Variants in ODAD4 observed in about 807,000 individuals in gnomAD.
ODAD4 encodes the protein outer dynein arm-docking complex subunit 4.
In ODAD4, 49 loss-of-function variants were observed where a neutral mutation model predicts 51.8. That is an observed-to-expected ratio of 0.95 (90% CI 0.75 to 1.20). The LOEUF is 1.20. ODAD4 is among the 50% of genes most tolerant of loss of function. The pLI, the probability that ODAD4 is intolerant of heterozygous loss-of-function variation, is 0.00. For synonymous variants in ODAD4, 235 were observed against 221.3 expected, an observed-to-expected ratio of 1.06 and a Z score of -0.55; for missense variants, 590 against 586.5, an observed-to-expected ratio of 1.01 and a Z score of -0.06.
At chr17:41,951,464 G>A (rs202022334) in intron 9 of ODAD4, among the ~76,000 whole-genome samples, 1 of 151,170 alleles carries the variant, frequency 6.6e-6, no homozygotes, top group East Asian at 2.0e-4. Flanking sequence ...TTTTGAGAAG[G>A]CGTCTCACTC....
chr17:41,952,606 C>A, intron 9 of ODAD4: 1 of 473,188 alleles, frequency 2.1e-6, no homozygotes. Context: ...ATGATTTACT[C>A]TCTTGAATAA....
intron 5 of ODAD4, 114 bp from the exon 6 acceptor site, chr17:41,938,443 C>T (rs2050457073): frequency 1.2e-6 from 1 of 839,682 alleles, no homozygotes. Context: ...GTTTCAACAA[C>T]TCCAAGCAGA....
intron 7 of ODAD4, among the ~76,000 whole-genome samples, chr17:41,942,033 C>T (rs1164599558): frequency 2.0e-5 from 3 of 152,062 alleles, no homozygotes; most frequent in Non-Finnish European, 2.9e-5. Flanking sequence ...CTGCAACCTC[C>T]GCCTCCCTGG....
intron 4 of ODAD4, 24 bp downstream of exon 4, chr17:41,936,558 G>C (rs1370185601): frequency 6.2e-6 from 10 of 1,604,672 alleles, no homozygotes; most frequent in Non-Finnish European, 8.5e-6. Flanking sequence ...TTCTGTGGTT[G>C]TATCCCTCCA....
chr17:41,932,443 G>A (rs1416417883), intron 1 of ODAD4, among the ~76,000 whole-genome samples: 2 of 152,176 alleles, frequency 1.3e-5, no homozygotes, highest in African/African-American at 4.8e-5. Flanking sequence ...ACTAGCAAGT[G>A]GCAGAGGAAG....
In ODAD4 at chr17:41,935,780, C is replaced by T. The variant is rs781907769; in HGVS notation, c.397+31C>T. 3.1e-6 allele frequency: 5 copies of T among 1,611,838 alleles called. No homozygotes were observed. In the South Asian group the frequency reaches 5.5e-5, roughly 18 times the overall value. On this transcript the variant is annotated intron_variant, in intron 3 of 11. Transcript: ENST00000377540. ...TGACCACAGGGCCTATGCCCTTATC[C>T]AGGAAGGTCCTTGGAATCCTTAGGT...
chr17:41,948,626 A>T (rs1489067562), intron 8 of ODAD4, among the ~76,000 whole-genome samples: 1 of 151,570 alleles, frequency 6.6e-6, no homozygotes, highest in East Asian at 1.9e-4. Context: ...ATTCTTAAAC[A>T]TTATTTATGT....
rs3039814 is a variant in ODAD4, at chr17:41,956,506, T to TTA, written c.1443+1189_1443+1190insTA. Among the ~76,000 whole-genome samples, 9 of 149,452 alleles carry TTA rather than the reference T, an allele frequency of 6.0e-5. No homozygotes were observed. The South Asian group carries it at 1.3e-3, about 21-fold the overall frequency. On this transcript the variant is annotated intron_variant, in intron 10 of 11. Transcript: ENST00000377540. ...CGGCCTTTTTTTTTTTTTTTTTTTT[T>TTA]AAATAGAGATGGGGCCATGTATGGT...
In ODAD4 at chr17:41,966,288, G is replaced by C. The variant is rs940406410; in HGVS notation, c.*805G>C. Among the ~76,000 whole-genome samples the C allele has an allele frequency of 2.6e-5, 4 of 152,184 alleles. No individual in the cohort carries two copies. Among genetic ancestry groups the C allele is most frequent in the Admixed American group, 6.5e-5 (1 of 15,274 alleles). On this transcript the variant is annotated 3_prime_UTR_variant, in exon 12 of 12. Transcript: ENST00000377540. ...TCCTGGTCTGTCTCCACAGCTCCTA[G>C]AAGGAAAGGTCGGGGCTGAGACTGA...
rs782778721 is a variant in ODAD4, at chr17:41,938,637, A to G, written c.706A>G (p.Ser236Gly). The change falls in exon 6 of 12, where the codon AGC becomes GGC. Residue 236 changes from serine to glycine, a missense_variant. Around this residue, in one of 3 missense-constraint regions of ODAD4, gnomAD observed 360 missense variants for 407.5 expected, o/e 0.88. Transcript: ENST00000377540. ...MTGINYLDTH[S>G]NFWRQQKPIY... ...GGGCATCAACTACCTGGATACTCAC[A>G]GCAACTTCTGGAGGCAGCAGAAGCC... is the stretch of plus-strand genomic sequence containing the variant. 1 of 1,613,978 alleles carries G rather than the reference A, an allele frequency of 6.2e-7. No individual in the cohort carries two copies. The highest frequency in any genetic ancestry group is 1.1e-5 in the South Asian group (1 of 91,088).
chr17:41,962,261 C>A (rs576312000), intron 11 of ODAD4, among the ~76,000 whole-genome samples: 3 of 152,168 alleles, frequency 2.0e-5, no homozygotes, highest in Non-Finnish European at 2.9e-5. Flanking sequence ...TCCCCACCTG[C>A]GGCGCTGCTC....
At chr17:41,959,894 G>A (rs569161152) in intron 10 of ODAD4, among the ~76,000 whole-genome samples, 1 of 152,338 alleles carries the variant, frequency 6.6e-6, no homozygotes, top group African/African-American at 2.4e-5. Flanking sequence ...GACCCCAGCA[G>A]GCGCAGTCTA....
At chr17:41,938,868 C>A in intron 6 of ODAD4, 87 bp downstream of exon 6, 1 of 1,562,826 alleles carries the variant, frequency 6.4e-7, no homozygotes, top group South Asian at 1.2e-5. Context: ...AGCCCCTGGT[C>A]TCTCAGACCT....
intron 8 of ODAD4, among the ~76,000 whole-genome samples, chr17:41,946,959 T>G (rs1208655395): frequency 1.3e-5 from 2 of 151,736 alleles, no homozygotes; most frequent in Non-Finnish European, 2.9e-5. Flanking sequence ...CACGCCATTC[T>G]CCCGCCTCAG....
intron 1 of ODAD4, among the ~76,000 whole-genome samples, chr17:41,932,774 T>C (rs2050368322): frequency 6.7e-6 from 1 of 148,880 alleles, no homozygotes; most frequent in African/African-American, 2.5e-5. Flanking sequence ...TATGTTGCCC[T>C]GGCTGGTATT....
intron 9 of ODAD4, among the ~76,000 whole-genome samples, chr17:41,954,753 G>A (rs1439051542): frequency 4.6e-5 from 7 of 151,650 alleles, no homozygotes; most frequent in African/African-American, 1.7e-4. Flanking sequence ...AGGAGGCTGA[G>A]GCAGGAGAAT....
At chr17:41,941,782 AAGAG>A (rs1156790528) in intron 7 of ODAD4, among the ~76,000 whole-genome samples, 1 of 150,686 alleles carries the variant, frequency 6.6e-6, no homozygotes, top group Non-Finnish European at 1.5e-5. Context: ...AAAAAAAAAA[AAGAG>A]AGAAAAGAAA....
rs2050408692 is a variant in ODAD4, at chr17:41,935,280, A to G, written c.178A>G (p.Met60Val). ...LVARSKCFLK[M>V]GDLERSLKDA... ...TGCTCGCTCAAAGTGCTTCCTGAAG[A>G]TGGGAGACTTGGAGAGATCCCTGAA... The change falls in exon 2 of 12, where the codon ATG becomes GTG. Residue 60 changes from methionine (M) to valine (V), a missense_variant. This residue lies in a region of ODAD4 where 360 missense variants were observed against 407.5 expected (regional missense o/e 0.88). Transcript: ENST00000377540. The G allele has an allele frequency of 6.2e-7, 1 of 1,613,878 alleles. No individual in the cohort carries two copies. Among genetic ancestry groups the G allele is most frequent in the African/African-American group, 1.3e-5 (1 of 74,922 alleles).
chr17:41,944,991 A>T, intron 7 of ODAD4, 145 bp from the exon 8 acceptor site: 1 of 626,966 alleles, frequency 1.6e-6, no homozygotes, highest in Admixed American at 2.9e-5. Context: ...GATGTGCCAC[A>T]TCCTTGCTGG....
Sources: gnomAD v4.1 joint callset for allele counts (sites outside exome capture counted in the v4.1 genomes callset) on GRCh38, gnomAD v4.1.1 for gene constraint, gnomAD v4.1.1 regional missense constraint, MANE v1.5 for transcripts, NCBI Gene and HGNC (gene_info 2026-07-23, HGNC 2026-07-21) for gene names.